Variants in INTU observed in about 807,000 individuals in gnomAD.
INTU encodes the protein protein inturned.
A neutral mutation model predicts 100.5 loss-of-function variants in INTU; 68 were observed. The ratio of observed to expected loss-of-function variants is 0.68; its 90% CI spans 0.56 to 0.83. INTU has a LOEUF of 0.83. Among genes scored for constraint, INTU ranks in the 40% least tolerant of loss-of-function variants. The probability of loss-of-function intolerance (pLI) is 0.00; values close to 1 mark genes in which losing one functional copy is unlikely to be tolerated. For synonymous variants in INTU, 357 were observed against 395.7 expected (o/e 0.90, Z 1.16); for missense variants, 1,071 against 1,114.7 (o/e 0.96, Z 0.56).
Position 127,723,372 on chromosome 4 carries a change from G to A in INTU, c.*6936G>A. On this transcript the variant is annotated 3_prime_UTR_variant, in exon 16 of 16. Transcript: ENST00000335251. ...GAGCTGCCTCTCTTTGACCATCTGG[G>A]CTCTCTGTTCTACTTTTTTTTTTTT... The A allele has an allele frequency of 6.8e-6, 1 of 146,882 alleles. No homozygotes were observed. Among genetic ancestry groups the A allele is most frequent in the East Asian group, 2.0e-4 (1 of 5,058 alleles). 9.1% of individuals were successfully genotyped at this position (146,882 alleles called of 1,614,324 possible).
Position 127,723,386 on chromosome 4 carries a change from T to C in INTU, c.*6950T>C, listed in dbSNP as rs1486989899. The C allele has an allele frequency of 1.8e-5, 2 of 108,380 alleles. No homozygotes were observed. The highest frequency in any genetic ancestry group is 3.5e-5 in the Non-Finnish European group (2 of 57,010). The allele number at this position is 108,380 out of a possible 1,614,324, so 6.7% of individuals were successfully genotyped here. A position where few individuals can be genotyped will look rare whatever the true frequency, so the allele number is the denominator to read the frequency against. On this transcript the variant is annotated 3_prime_UTR_variant, in exon 16 of 16. Coordinates refer to ENST00000335251, the MANE Select transcript of INTU (RefSeq NM_015693.4). ...TGACCATCTGGGCTCTCTGTTCTAC[T>C]TTTTTTTTTTTTTTTTTTGCCTCTT...
At chr4:127,702,658 A>G (rs533238934) in intron 9 of INTU, among the ~76,000 whole-genome samples, 1 of 152,160 alleles carries the variant, frequency 6.6e-6, no homozygotes, top group Non-Finnish European at 1.5e-5. Context: ...ATAAGGATCT[A>G]TTCTACACTT....
At chr4:127,699,986 ACT>A in intron 8 of INTU, 22 bp from the exon 9 acceptor site, 1 of 1,505,604 alleles carries the variant, frequency 6.6e-7, no homozygotes, top group East Asian at 2.3e-5. Flanking sequence ...TGTTTATGTT[ACT>A]CTTTTTTTTT....
chr4:127,711,090 A>G lies in INTU; in HGVS notation c.2547A>G (p.Thr849=), dbSNP rs780170409. The G allele has an allele frequency of 1.6e-5, 26 of 1,588,826 alleles. No individual in the cohort carries two copies. The South Asian group carries it at 2.6e-4, about 16-fold the overall frequency. ...CLSIRAVFQQ[T]LVEEKKKGLN... ...CCATTCGTGCAGTTTTCCAACAGAC[A>G]TTGGTGGAAGAGGTAGGGCACTGCT... is the stretch of plus-strand genomic sequence containing the variant. Residue 849 remains threonine, a synonymous_variant, in exon 14 of 16, where the codon ACA becomes ACG. Transcript: ENST00000335251.
chr4:127,640,352 C>G (rs758872597), intron 1 of INTU, among the ~76,000 whole-genome samples: 2 of 151,620 alleles, frequency 1.3e-5, no homozygotes, highest in African/African-American at 4.9e-5. Flanking sequence ...AGTTGCCCTT[C>G]TGTGTGGGGG....
intron 2 of INTU, among the ~76,000 whole-genome samples, chr4:127,652,031 G>C (rs1470649072): frequency 6.9e-6 from 1 of 145,140 alleles, no homozygotes; most frequent in African/African-American, 2.6e-5. Context: ...GTCTGTTATT[G>C]GTGTATAAGA....
At chr4:127,667,880 T>A (rs1728763593) in intron 4 of INTU, among the ~76,000 whole-genome samples, 1 of 152,058 alleles carries the variant, frequency 6.6e-6, no homozygotes, top group Admixed American at 6.6e-5. Flanking sequence ...TCCACTTTAT[T>A]TATATTTGTC....
rs768742654 is a variant in INTU at position 127,711,007 on chromosome 4, C to T, written c.2464C>T (p.Gln822Ter). The change falls in exon 14 of 16, where the codon CAG becomes TAG. Residue 822 changes from glutamine to a stop codon, truncating the protein, a stop_gained. Transcript: ENST00000335251. LOFTEE classifies it high-confidence loss of function. ...FITPTLEEVAQLSGSIHPQLI... is the reference protein window; with the variant it reads ...FITPTLEEVA ...TACTCCTACCCTTGAAGAGGTGGCACAGCTAAGTGGCTCTATCCACCCTCA... is the reference window on the plus strand; with the variant it reads ...TACTCCTACCCTTGAAGAGGTGGCATAGCTAAGTGGCTCTATCCACCCTCA... 1.9e-6 allele frequency: 3 copies of T among 1,608,362 alleles called. No individual in the cohort carries two copies. In the Admixed American group the frequency reaches 5.0e-5, roughly 27 times the overall value.
intron 2 of INTU, among the ~76,000 whole-genome samples, chr4:127,655,711 C>T (rs1728166948): frequency 6.6e-6 from 1 of 152,098 alleles, no homozygotes; most frequent in Non-Finnish European, 1.5e-5. Flanking sequence ...GTGGAGCCTA[C>T]AGAGGCAGGC....
At chr4:127,648,933 C>T (rs980471664) in intron 2 of INTU, among the ~76,000 whole-genome samples, 2 of 152,052 alleles carry the variant, frequency 1.3e-5, no homozygotes, top group Admixed American at 6.6e-5. Flanking sequence ...ATCATAATGA[C>T]TTGGTGCCCA....
At chr4:127,634,725 A>T (rs1403832543) in intron 1 of INTU, among the ~76,000 whole-genome samples, 1 of 152,212 alleles carries the variant, frequency 6.6e-6, no homozygotes, top group African/African-American at 2.4e-5. Context: ...CCCTATCATA[A>T]GATGTTTTGC....
intron 6 of INTU, among the ~76,000 whole-genome samples, chr4:127,678,861 C>T (rs1208175985): frequency 6.6e-6 from 1 of 151,704 alleles, no homozygotes; most frequent in African/African-American, 2.4e-5. Context: ...AAACCCATCT[C>T]ACGTGCAGAG....
intron 3 of INTU, among the ~76,000 whole-genome samples, chr4:127,658,601 A>G (rs1728340315): frequency 1.3e-5 from 2 of 152,332 alleles, no homozygotes; most frequent in African/African-American, 2.4e-5. Context: ...TGTTGGTTGC[A>G]GGTGTGCTTC....
chr4:127,693,408 G>A (rs916320130), intron 8 of INTU, among the ~76,000 whole-genome samples: 7 of 152,062 alleles, frequency 4.6e-5, no homozygotes, highest in Admixed American at 2.0e-4. Context: ...CTACTGATTT[G>A]TGTACATTAA....
chr4:127,680,197 C>A (rs949639835), intron 6 of INTU, among the ~76,000 whole-genome samples: 1 of 152,116 alleles, frequency 6.6e-6, no homozygotes, highest in African/African-American at 2.4e-5. Context: ...TGGTACCATT[C>A]CTTCTGAAAC....
At chr4:127,633,920 T>G (rs1227697383) in intron 1 of INTU, among the ~76,000 whole-genome samples, 1 of 152,218 alleles carries the variant, frequency 6.6e-6, no homozygotes, top group Non-Finnish European at 1.5e-5. Flanking sequence ...TTTAGAAAAG[T>G]CAACTAGCAG....
At chr4:127,714,379 C>T (rs1455491910) in intron 15 of INTU, among the ~76,000 whole-genome samples, 1 of 151,824 alleles carries the variant, frequency 6.6e-6, no homozygotes, top group Non-Finnish European at 1.5e-5. Context: ...CCCCTCTCTC[C>T]TTTCTTTCCC....
rs150681845 is a variant in INTU, at chr4:127,687,772, G to A, written c.1354G>A (p.Ala452Thr). The change falls in exon 8 of 16, where the codon GCC becomes ACC. Residue 452 changes from alanine to threonine, a missense_variant. By Grantham distance (58) the Ala-to-Thr change is moderately conservative (BLOSUM62 0). Coordinates refer to ENST00000335251, the MANE Select transcript of INTU (RefSeq NM_015693.4). ...ALQPAKLHSS[A>T]SPSAQQYDAS... ...TCAGCCTGCGAAACTGCATTCCAGC[G>A]CCAGTCCCAGTGCTCAGCAGTACGA... 2.4e-3 allele frequency: 3,864 copies of A among 1,613,458 alleles called. 19 individuals carry two copies. Among genetic ancestry groups the A allele is most frequent in the South Asian group, 9.5e-3 (864 of 91,018 alleles).
intron 1 of INTU, among the ~76,000 whole-genome samples, chr4:127,639,002 A>G (rs1340477941): frequency 1.3e-5 from 2 of 152,144 alleles, no homozygotes; most frequent in African/African-American, 4.8e-5. Context: ...ATTTTTGAGT[A>G]AGTTTAGATT....
Sources: allele counts gnomAD v4.1 joint callset (sites outside exome capture counted in the v4.1 genomes callset), GRCh38; gene constraint gnomAD v4.1.1; transcripts MANE v1.5; gene names NCBI Gene and HGNC (gene_info 2026-07-23, HGNC 2026-07-21).